CACNG4: variants seen among roughly 807,000 people sequenced by gnomAD.
The protein encoded by CACNG4 is voltage-dependent calcium channel gamma-4 subunit.
CACNG4 carries 8 observed loss-of-function variants against 22.9 expected under a neutral mutation model. That is an observed-to-expected ratio of 0.35 (90% CI 0.21 to 0.63). The LOEUF is 0.63. Ranked by LOEUF, CACNG4 falls within the 30% of genes least tolerant of loss-of-function variation. The pLI is 0.72. For missense variants in CACNG4, 357 were observed against 455.4 expected (o/e 0.78, Z 1.97); for synonymous variants, 188 against 191.9 (o/e 0.98, Z 0.17).
intron 1 of CACNG4, among the ~76,000 whole-genome samples, chr17:66,996,975 C>T (rs763502914): frequency 1.4e-4 from 21 of 152,172 alleles, no homozygotes; most frequent in Admixed American, 7.2e-4. Flanking sequence ...GAAGATGGTT[C>T]GAAACAGCAT....
intron 1 of CACNG4, among the ~76,000 whole-genome samples, chr17:66,975,592 C>T (rs1438789332): frequency 1.3e-5 from 2 of 152,150 alleles, no homozygotes; most frequent in Admixed American, 6.5e-5. Flanking sequence ...AACATATCAT[C>T]GCTTTCTCTC....
In CACNG4 at chr17:67,031,114, A is replaced by G. The variant is rs1209879017; in HGVS notation, c.*110A>G. ...CGAACAATGAACTAAAGCCAAATGC[A>G]GCCCTCCCTGGCCTCCAGAGGTGGC... On this transcript the variant is annotated 3_prime_UTR_variant, in exon 4 of 4. Coordinates refer to ENST00000262138, the MANE Select transcript of CACNG4 (RefSeq NM_014405.4). This position sits in a 1 kb window ranked among gnomAD's most constrained non-coding sequence, Gnocchi z 4.0. The G allele has an allele frequency of 1.6e-6, 2 of 1,239,786 alleles. No individual in the cohort carries two copies. Among genetic ancestry groups the G allele is most frequent in the East Asian group, 2.4e-5 (1 of 42,162 alleles). 76.8% of individuals were successfully genotyped at this position (1,239,786 alleles called of 1,614,324 possible).
At chr17:67,012,569 G>A (rs1052011199) in intron 1 of CACNG4, among the ~76,000 whole-genome samples, 6 of 152,152 alleles carry the variant, frequency 3.9e-5, no homozygotes, top group African/African-American at 1.4e-4. Flanking sequence ...CCCACCAAGG[G>A]ACAGCGTTTG....
chr17:67,000,896 G>A (rs1034815093), intron 1 of CACNG4, among the ~76,000 whole-genome samples: 2 of 152,194 alleles, frequency 1.3e-5, no homozygotes, highest in Middle Eastern at 3.4e-3. Context: ...CCATCCTGGA[G>A]GAGAACAGAC....
At chr17:66,979,712 G>A (rs923101910) in intron 1 of CACNG4, among the ~76,000 whole-genome samples, 4 of 149,116 alleles carry the variant, frequency 2.7e-5, no homozygotes, top group East Asian at 2.0e-4. Flanking sequence ...TGTGTATGCC[G>A]ATTTGACACG....
At chr17:66,997,390 T>C (rs4790997) in intron 1 of CACNG4, among the ~76,000 whole-genome samples, 39,917 of 151,786 alleles carry the variant, frequency 0.26, 8,435 homozygotes, top group African/African-American at 0.59. Flanking sequence ...TGAGAGTAGA[T>C]GGAGGGTTAC....
chr17:66,991,280 G>T (rs1196534533), intron 1 of CACNG4, among the ~76,000 whole-genome samples: 1 of 152,008 alleles, frequency 6.6e-6, no homozygotes, highest in African/African-American at 2.4e-5. Flanking sequence ...AAGAATCACA[G>T]CAGCTTTGCC....
intron 1 of CACNG4, among the ~76,000 whole-genome samples, chr17:66,990,026 A>G (rs2035329390): frequency 6.6e-6 from 1 of 152,242 alleles, no homozygotes; most frequent in African/African-American, 2.4e-5. Context: ...TTAGTGGCTG[A>G]AAACAACACA....
intron 1 of CACNG4, among the ~76,000 whole-genome samples, chr17:67,011,589 A>G (rs2035468399): frequency 6.6e-6 from 1 of 152,324 alleles, no homozygotes; most frequent in African/African-American, 2.4e-5. Flanking sequence ...CCCAGCACTT[A>G]GAACATTGCT....
At chr17:67,011,477 T>G (rs923539774) in intron 1 of CACNG4, among the ~76,000 whole-genome samples, 1 of 152,176 alleles carries the variant, frequency 6.6e-6, no homozygotes, top group Non-Finnish European at 1.5e-5. Flanking sequence ...GATGCTGATA[T>G]TCATTTATTT....
At chr17:66,995,456 C>A (rs8070609) in intron 1 of CACNG4, among the ~76,000 whole-genome samples, 6,177 of 152,132 alleles carry the variant, frequency 0.041, 400 homozygotes, top group African/African-American at 0.14. Context: ...GGGTTGGAGG[C>A]CTCATGAGTC....
At chr17:66,992,072 G>A (rs72846255) in intron 1 of CACNG4, among the ~76,000 whole-genome samples, 42 of 152,098 alleles carry the variant, frequency 2.8e-4, no homozygotes, top group Admixed American at 3.3e-4. Flanking sequence ...TCCCTTCTCT[G>A]GACTCTTGGA....
chr17:67,026,057 GTGTA>G (rs2035562997), intron 3 of CACNG4, among the ~76,000 whole-genome samples: 1 of 151,996 alleles, frequency 6.6e-6, no homozygotes, highest in Admixed American at 6.6e-5. Flanking sequence ...TGTGTGTGTG[GTGTA>G]TGTGTGTGTT....
At chr17:67,028,292 G>A (rs904329233) in intron 3 of CACNG4, among the ~76,000 whole-genome samples, 4 of 152,146 alleles carry the variant, frequency 2.6e-5, no homozygotes, top group East Asian at 1.9e-4. Flanking sequence ...GGTGGCTCAC[G>A]CCTGTAATCC....
chr17:66,976,104 G>T (rs9916442), intron 1 of CACNG4, among the ~76,000 whole-genome samples: 252 of 152,250 alleles, frequency 1.7e-3, no homozygotes, highest in African/African-American at 5.5e-3. Context: ...GAGCCCTGCC[G>T]CGTCAGGTGA....
In CACNG4 at chr17:66,980,230, C is replaced by T. The variant is rs535834532; in HGVS notation, c.220+15099C>T. Reference sequence around the variant, plus strand: ...TTATTTCCTGTCAGCACAATTTCCACATTGGGCTTCCATCCCTAGAAATCC... The same window carrying T: ...TTATTTCCTGTCAGCACAATTTCCATATTGGGCTTCCATCCCTAGAAATCC... On this transcript the variant is annotated intron_variant, in intron 1 of 3. Transcript: ENST00000262138. 1.2e-4 allele frequency among the ~76,000 whole-genome samples: 19 copies of T among 152,348 alleles called. No individual in the cohort carries two copies. In the East Asian group the frequency reaches 2.9e-3, roughly 23 times the overall value.
chr17:67,031,618 G>A lies in CACNG4; in HGVS notation c.*614G>A. On this transcript the variant is annotated 3_prime_UTR_variant, in exon 4 of 4. Coordinates refer to ENST00000262138, the MANE Select transcript of CACNG4 (RefSeq NM_014405.4). This position sits in a 1 kb window ranked among gnomAD's most constrained non-coding sequence, Gnocchi z 4.0. Reference sequence around the variant, plus strand: ...CAACTGGTGCTTTGGCCTTTGCGCTGTCCCGGGGCCAGCTTCCCTCGACCT... The same window carrying A: ...CAACTGGTGCTTTGGCCTTTGCGCTATCCCGGGGCCAGCTTCCCTCGACCT... The A allele has an allele frequency of 2.2e-6, 1 of 456,802 alleles. No individual in the cohort carries two copies. Among genetic ancestry groups the A allele is most frequent in the Non-Finnish European group, 4.4e-6 (1 of 226,978 alleles). 28.3% of individuals were successfully genotyped at this position (456,802 alleles called of 1,614,324 possible). A position where few individuals can be genotyped will look rare whatever the true frequency, so the allele number is the denominator to read the frequency against.
intron 1 of CACNG4, among the ~76,000 whole-genome samples, chr17:66,992,326 G>A (rs2035346083): frequency 6.6e-6 from 1 of 152,174 alleles, no homozygotes; most frequent in South Asian, 2.1e-4. Context: ...TCTCTGTATG[G>A]GAAGTTTCAA....
At chr17:66,982,978 TG>T (rs2035285714) in intron 1 of CACNG4, among the ~76,000 whole-genome samples, 2 of 152,136 alleles carry the variant, frequency 1.3e-5, no homozygotes, top group Non-Finnish European at 2.9e-5. Context: ...ACTTCCATGG[TG>T]TAGATGCAGA....
Sources: gnomAD v4.1 joint callset for allele counts (sites outside exome capture counted in the v4.1 genomes callset) on GRCh38, gnomAD v4.1.1 for gene constraint, Gnocchi (gnomAD v3.1) non-coding constraint, MANE v1.5 for transcripts, NCBI Gene and HGNC (gene_info 2026-07-23, HGNC 2026-07-21) for gene names.